The following ESCO2 variants were observed in gnomAD, a reference collection of about 807,000 sequenced individuals.
ESCO2 encodes the protein N-acetyltransferase ESCO2.
ESCO2 carries 51 observed loss-of-function variants against 61.7 expected under a neutral mutation model. That is an observed-to-expected ratio of 0.83 (90% CI 0.66 to 1.04). The LOEUF (loss-of-function observed/expected upper bound fraction) is 1.04, where lower values mean the gene tolerates loss of function less well. Ranked by LOEUF, ESCO2 falls within the 50% of genes least tolerant of loss-of-function variation. The pLI is 0.00. For synonymous variants in ESCO2, 230 were observed against 238.2 expected (o/e 0.97, Z 0.32); for missense variants, 692 against 686.2 (o/e 1.01, Z -0.09).
downstream of ESCO2, among the ~76,000 whole-genome samples, chr8:27,814,394 T>C (rs67998678): frequency 0.16 from 23,912 of 152,158 alleles, 2,380 homozygotes; most frequent in East Asian, 0.37. Flanking sequence ...CTCATTCCTG[T>C]TGTTGGTGAC....
chr8:27,777,356 A>G, intron 3 of ESCO2, 187 bp downstream of exon 3: 2 of 516,202 alleles, frequency 3.9e-6, no homozygotes, highest in South Asian at 4.6e-5. Flanking sequence ...CCCAGGCTGT[A>G]GTGCAGTGGC....
chr8:27,781,191 C>T (rs1244429949), intron 4 of ESCO2, among the ~76,000 whole-genome samples: 2 of 152,032 alleles, frequency 1.3e-5, no homozygotes, highest in Non-Finnish European at 2.9e-5. Flanking sequence ...TTTAATTCTC[C>T]CTACTACTCT....
intron 1 of ESCO2, 123 bp from the exon 2 acceptor site, chr8:27,775,376 G>A (rs912621360): frequency 4.2e-5 from 36 of 852,880 alleles, no homozygotes; most frequent in Admixed American, 1.3e-4. Flanking sequence ...GAGCAATGTC[G>A]AGGAAGACCT....
chr8:27,787,425 A>G (rs1245544982), intron 5 of ESCO2, among the ~76,000 whole-genome samples: 2 of 139,714 alleles, frequency 1.4e-5, no homozygotes, highest in Non-Finnish European at 3.2e-5. Flanking sequence ...GTGCTGGGTC[A>G]TAATATGATG....
At chr8:27,810,982 G>A, downstream of ESCO2, 1 of 1,605,636 alleles carries the variant, frequency 6.2e-7, no homozygotes, top group South Asian at 1.1e-5. Flanking sequence ...TCATTTGAAA[G>A]ATTAATGTGT....
upstream of ESCO2, chr8:27,772,775 G>A (rs1804682357): frequency 3.6e-6 from 2 of 551,488 alleles, no homozygotes; most frequent in East Asian, 6.0e-5. Context: ...AAGAGGCTGG[G>A]CATCTTGGGC....
downstream of ESCO2, chr8:27,811,218 TG>T: frequency 1.7e-6 from 2 of 1,150,618 alleles, no homozygotes; most frequent in Non-Finnish European, 2.6e-6. Context: ...GCGAACGATT[TG>T]AACAAGTAGT....
At chr8:27,810,373 T>C, downstream of ESCO2, 1 of 1,611,364 alleles carries the variant, frequency 6.2e-7, no homozygotes. Flanking sequence ...TCTTCATTAG[T>C]GCATACAGAG....
intron 9 of ESCO2, among the ~76,000 whole-genome samples, chr8:27,796,959 A>C (rs2128957033): frequency 6.6e-6 from 1 of 152,186 alleles, no homozygotes; most frequent in East Asian, 1.9e-4. Flanking sequence ...TGTCTTTACA[A>C]AAATTAGCCA....
chr8:27,816,948 C>T (rs527614219), downstream of ESCO2, among the ~76,000 whole-genome samples: 1 of 152,192 alleles, frequency 6.6e-6, no homozygotes, highest in South Asian at 2.1e-4. Flanking sequence ...TGTTCTGCTA[C>T]AATGTGTATT....
At chr8:27,782,720 A>G (rs959803564) in intron 4 of ESCO2, among the ~76,000 whole-genome samples, 24 of 149,644 alleles carry the variant, frequency 1.6e-4, no homozygotes, top group Non-Finnish European at 3.3e-4. Flanking sequence ...ATATATATAT[A>G]TTAAATAATA....
chr8:27,813,112 T>A (rs1245923494), downstream of ESCO2, among the ~76,000 whole-genome samples: 1 of 152,186 alleles, frequency 6.6e-6, no homozygotes, highest in East Asian at 1.9e-4. Flanking sequence ...ATGTGGCACA[T>A]ATACACCATG....
intron 9 of ESCO2, 47 bp downstream of exon 9, chr8:27,792,858 TAAAGA>T (rs751589428): frequency 3.2e-6 from 5 of 1,540,364 alleles, no homozygotes; most frequent in African/African-American, 1.4e-5. Flanking sequence ...GCAGGCAAAA[TAAAGA>T]AAAGTTGGGA....
chr8:27,772,285 G>A (rs887600553), upstream of ESCO2, among the ~76,000 whole-genome samples: 2 of 152,216 alleles, frequency 1.3e-5, no homozygotes, highest in African/African-American at 2.4e-5. Context: ...TACAAACATA[G>A]CAGTGGCATC....
rs111395487 is a variant in ESCO2 at position 27,803,904 on chromosome 8, ATT to A, written c.*480_*481del. On this transcript the variant is annotated 3_prime_UTR_variant, in exon 11 of 11. Coordinates refer to ENST00000305188, the MANE Select transcript of ESCO2 (RefSeq NM_001017420.3). The stretch of plus-strand genomic sequence containing the variant: ...CCCAATTTGTAAAGGGAATTCCTGA[ATT>A]TTTTTTTTTTTTTAATAGAGGCATG... The A allele has an allele frequency of 1.2e-4, 105 of 896,518 alleles. No individual in the cohort carries two copies. Among genetic ancestry groups the A allele is most frequent in the East Asian group, 3.5e-4 (3 of 8,524 alleles). 55.5% of individuals were successfully genotyped at this position (896,518 alleles called of 1,614,324 possible). A position where few individuals can be genotyped will look rare whatever the true frequency, so the allele number is the denominator to read the frequency against.
downstream of ESCO2, among the ~76,000 whole-genome samples, chr8:27,814,407 G>T (rs368684620): frequency 1.3e-5 from 2 of 151,966 alleles, no homozygotes; most frequent in African/African-American, 4.8e-5. Context: ...TTGGTGACTT[G>T]TGTTCTCTTT....
At chr8:27,808,826 G>T (rs989901996), downstream of ESCO2, among the ~76,000 whole-genome samples, 3 of 152,140 alleles carry the variant, frequency 2.0e-5, no homozygotes, top group African/African-American at 7.2e-5. Context: ...GTTGGTAGCA[G>T]ATTGTCTGCA....
In ESCO2 at chr8:27,788,866, T is replaced by G. The variant is rs1319521332; in HGVS notation, c.1151T>G (p.Phe384Cys). 6.2e-7 allele frequency: 1 copy of G among 1,614,132 alleles called. No individual in the cohort carries two copies. The highest frequency in any genetic ancestry group is 8.5e-7 in the Non-Finnish European group (1 of 1,180,000). ...QLIIDAGQKH[F>C]GATVCKSCGM... is the part of the protein sequence containing the mutation. ...TTATAGGACGCTGGTCAGAAACATTTTGGGGCTACTGTGTGCAAGTCTTGT... is the reference window on the plus strand; with the variant it reads ...TTATAGGACGCTGGTCAGAAACATTGTGGGGCTACTGTGTGCAAGTCTTGT... Residue 384 changes from phenylalanine (F) to cysteine (C), a missense_variant, in exon 7 of 11, where the codon TTT becomes TGT. Phe to Cys is a radical substitution (Grantham distance 205). Coordinates refer to ENST00000305188, the MANE Select transcript of ESCO2 (RefSeq NM_001017420.3).
At chr8:27,814,103 A>G (rs554360338), downstream of ESCO2, among the ~76,000 whole-genome samples, 26 of 152,026 alleles carry the variant, frequency 1.7e-4, no homozygotes, top group African/African-American at 5.8e-4. Flanking sequence ...TTATTCCTCT[A>G]TTTTCTGAAA....
Sources: gnomAD v4.1 joint callset for allele counts (sites outside exome capture counted in the v4.1 genomes callset) on GRCh38, gnomAD v4.1.1 for gene constraint, MANE v1.5 for transcripts, NCBI Gene and HGNC (gene_info 2026-07-23, HGNC 2026-07-21) for gene names.